The following PGAP3 variants were observed in gnomAD, a reference collection of about 807,000 sequenced individuals.
PGAP3 encodes the protein GPI-specific phospholipase A2-like PGAP3.
Under a neutral mutation model 40.3 loss-of-function variants are expected in PGAP3, and 31 were observed. The observed-to-expected ratio is 0.77, with a 90% CI of 0.58 to 1.04. The LOEUF is 1.04. PGAP3 is among the 50% of genes least tolerant of loss of function. PGAP3 has a pLI of 0.00. For missense variants in PGAP3, 413 were observed against 423.0 expected (o/e 0.98, Z 0.21); for synonymous variants, 191 against 184.5 (o/e 1.04, Z -0.29).
intron 3 of PGAP3, among the ~76,000 whole-genome samples, chr17:39,677,570 C>T (rs964820614): frequency 9.2e-5 from 14 of 152,154 alleles, no homozygotes; most frequent in Non-Finnish European, 1.6e-4. Context: ...TGCCAAGGCA[C>T]GGCTACTCTC....
At chr17:39,678,402 C>T (rs1242743524) in intron 3 of PGAP3, among the ~76,000 whole-genome samples, 1 of 152,158 alleles carries the variant, frequency 6.6e-6, no homozygotes, top group Non-Finnish European at 1.5e-5. Flanking sequence ...AGCAGGGGCC[C>T]CTACTCCGTG....
chr17:39,686,123 T>A (rs2057510845), intron 1 of PGAP3, 104 bp from the exon 2 acceptor site: 1 of 938,932 alleles, frequency 1.1e-6, no homozygotes, highest in African/African-American at 1.6e-5. Context: ...GCCTGTAAGT[T>A]GGAGAGAACC....
chr17:39,674,402 C>G (rs2057349645), intron 4 of PGAP3, among the ~76,000 whole-genome samples: 1 of 152,172 alleles, frequency 6.6e-6, no homozygotes, highest in Non-Finnish European at 1.5e-5. Flanking sequence ...CTGTCGAAGG[C>G]TCAGCTGCCT....
chr17:39,684,359 C>T (rs185683890), intron 3 of PGAP3, among the ~76,000 whole-genome samples: 1 of 152,232 alleles, frequency 6.6e-6, no homozygotes, highest in Admixed American at 6.5e-5. Context: ...AAGAAAAATG[C>T]CCTTCTTTCC....
At chr17:39,675,609 C>T (rs566725209) in intron 3 of PGAP3, among the ~76,000 whole-genome samples, 6 of 152,264 alleles carry the variant, frequency 3.9e-5, no homozygotes, top group African/African-American at 1.4e-4. Flanking sequence ...CCAGGAACTG[C>T]TCAGTTGGCT....
intron 3 of PGAP3, among the ~76,000 whole-genome samples, chr17:39,681,430 T>C (rs1217280784): frequency 6.6e-6 from 1 of 152,166 alleles, no homozygotes; most frequent in Non-Finnish European, 1.5e-5. Flanking sequence ...GCCATTGTTC[T>C]GGATTGAGCC....
intron 3 of PGAP3, among the ~76,000 whole-genome samples, chr17:39,677,691 G>T (rs1054777580): frequency 6.6e-6 from 1 of 152,218 alleles, no homozygotes; most frequent in African/African-American, 2.4e-5. Context: ...AGGAGAGGGG[G>T]TGGCCAGGGG....
chr17:39,685,148 AC>A (rs1007933632), intron 2 of PGAP3, among the ~76,000 whole-genome samples: 5 of 151,918 alleles, frequency 3.3e-5, no homozygotes, highest in African/African-American at 9.7e-5. Flanking sequence ...CTTCCTGCCA[AC>A]CTCAACAGGC....
At chr17:39,681,162 G>A (rs1000868831) in intron 3 of PGAP3, among the ~76,000 whole-genome samples, 35 of 152,112 alleles carry the variant, frequency 2.3e-4, no homozygotes, top group Admixed American at 1.8e-3. Context: ...CACTGCGCCC[G>A]GCCTCCATCA....
At chr17:39,674,080 G>C (rs765719841) in intron 4 of PGAP3, 26 bp from the exon 5 acceptor site, 11 of 1,608,462 alleles carry the variant, frequency 6.8e-6, no homozygotes, top group Non-Finnish European at 9.4e-6. Flanking sequence ...GGTGGTGAGG[G>C]ACCAGCATGA....
At chr17:39,683,586 G>A (rs889377397) in intron 3 of PGAP3, among the ~76,000 whole-genome samples, 2 of 152,206 alleles carry the variant, frequency 1.3e-5, no homozygotes, top group African/African-American at 4.8e-5. Context: ...AGGAAGGTGA[G>A]TGAATGGAAA....
intron 3 of PGAP3, among the ~76,000 whole-genome samples, chr17:39,681,391 T>A (rs2057438084): frequency 6.6e-6 from 1 of 152,130 alleles, no homozygotes; most frequent in South Asian, 2.1e-4. Context: ...ATAATACCTA[T>A]AAGCTGCGTT....
Position 39,673,991 on chromosome 17 carries a change from A to C in PGAP3, c.557+2T>G. 1 of 1,614,000 alleles carries C rather than the reference A, an allele frequency of 6.2e-7. No homozygotes were observed. Among genetic ancestry groups the C allele is most frequent in the Non-Finnish European group, 8.5e-7 (1 of 1,179,894 alleles). ...CCCCTGCAGCCACCCAGGCAGGCTC[A>C]CCTGACGCAGCACAGGTAGATTGAG... On this transcript the variant is annotated splice_donor_variant, in intron 5 of 7. Transcript: ENST00000300658. LOFTEE classifies it high-confidence loss of function.
At position 39,684,675 on chromosome 17, in the gene PGAP3, G is replaced by T; in HGVS notation, c.354C>A (p.Ser118Arg). ...AVASFLNGLA[S>R]LVMLCRYRTF... Reference sequence around the variant, plus strand: ...TGCGGTAGCGGCAGAGCATCACCAGGCTGGCCAGGCCATTGAGAAACGAGG... The same window carrying T: ...TGCGGTAGCGGCAGAGCATCACCAGTCTGGCCAGGCCATTGAGAAACGAGG... The change falls in exon 3 of 8, where the codon AGC (serine) becomes AGA (arginine). Residue 118 changes from serine (S) to arginine (R), a missense_variant. Coordinates refer to ENST00000300658, the MANE Select transcript of PGAP3 (RefSeq NM_033419.5). 1 of 1,614,070 alleles carries T rather than the reference G, an allele frequency of 6.2e-7. No homozygotes were observed. Among genetic ancestry groups the T allele is most frequent in the Non-Finnish European group, 8.5e-7 (1 of 1,179,962 alleles).
chr17:39,672,897 A>G, intron 7 of PGAP3, 31 bp from the exon 8 acceptor site: 1 of 1,609,850 alleles, frequency 6.2e-7, no homozygotes, highest in Non-Finnish European at 8.5e-7. Context: ...CCATTGAGGC[A>G]CACAGCTCTG....
rs765068752 is a variant in PGAP3 at position 39,671,351 on chromosome 17, C to T, written c.*1452G>A. On this transcript the variant is annotated 3_prime_UTR_variant, in exon 8 of 8. Transcript: ENST00000300658. Reference sequence around the variant, plus strand: ...GAAAGTTTCTGGAGCTCCCTCCATTCTATTCCTGTGGGGCAGGAACATGCC... The same window carrying T: ...GAAAGTTTCTGGAGCTCCCTCCATTTTATTCCTGTGGGGCAGGAACATGCC... 3.3e-5 allele frequency: 5 copies of T among 152,384 alleles called. No individual in the cohort carries two copies. Among genetic ancestry groups the T allele is most frequent in the Non-Finnish European group, 7.3e-5 (5 of 68,064 alleles). 9.4% of individuals were successfully genotyped at this position (152,384 alleles called of 1,614,324 possible).
rs1449150675 is a variant in PGAP3 at position 39,674,651 on chromosome 17, G to A, written c.461C>T (p.Thr154Ile). 6.4e-7 allele frequency: 1 copy of A among 1,551,178 alleles called. No individual in the cohort carries two copies. The highest frequency in any genetic ancestry group is 1.4e-5 in the African/African-American group (1 of 73,022). The change falls in exon 4 of 8, where the codon ACA becomes ATA. Residue 154 changes from threonine (T) to isoleucine (I), a missense_variant. Physicochemically the swap from Thr to Ile is moderately conservative, Grantham distance 89. Coordinates refer to ENST00000300658, the MANE Select transcript of PGAP3 (RefSeq NM_033419.5). ...GTCAGTGTCCCTGGTGTGGAAAACT[G>A]TGGACCAGAACCATGCATTGAGGGA... ...WVSLNAWFWS[T>I]VFHTRDTDLT...
At chr17:39,674,740 C>T (rs1346513864) in intron 3 of PGAP3, 61 bp from the exon 4 acceptor site, 1 of 1,450,314 alleles carries the variant, frequency 6.9e-7, no homozygotes, top group Non-Finnish European at 9.4e-7. Context: ...GCAGGGACCC[C>T]CATTTGCTCA....
At position 39,673,474 on chromosome 17, in the gene PGAP3, TAGC is replaced by T. The variant is rs776505751; in HGVS notation, c.694+37_694+39del. The T allele has an allele frequency of 9.9e-6, 16 of 1,612,962 alleles. No individual in the cohort carries two copies. In the Admixed American group the frequency reaches 2.5e-4, roughly 25 times the overall value. ...CCAACCTCCCACTCGCACCCCAAGC[TAGC>T]ACTTCTGCAGATGGCCCAAGCCCCC... On this transcript the variant is annotated intron_variant, in intron 6 of 7. Coordinates refer to ENST00000300658, the MANE Select transcript of PGAP3 (RefSeq NM_033419.5).
Sources: gnomAD v4.1 joint callset for allele counts (sites outside exome capture counted in the v4.1 genomes callset) on GRCh38, gnomAD v4.1.1 for gene constraint, MANE v1.5 for transcripts, NCBI Gene and HGNC (gene_info 2026-07-23, HGNC 2026-07-21) for gene names.